The following GAS7 variants were observed in gnomAD, a reference collection of about 807,000 sequenced individuals.
GAS7 encodes the protein growth arrest-specific protein 7.
In GAS7, 28 loss-of-function variants were observed where a neutral mutation model predicts 71.1. That is an observed-to-expected ratio of 0.39 (90% CI 0.29 to 0.54). The LOEUF is 0.54. Ranked by LOEUF, GAS7 falls within the 20% of genes least tolerant of loss-of-function variation. The pLI is 0.62. For synonymous variants in GAS7, 258 were observed against 245.8 expected (o/e 1.05, Z -0.46); for missense variants, 436 against 627.8 (o/e 0.69, Z 3.27).
chr17:10,070,550 G>A (rs1267318656), intron 1 of GAS7, among the ~76,000 whole-genome samples: 7 of 151,836 alleles, frequency 4.6e-5, no homozygotes, highest in East Asian at 3.9e-4. Context: ...TTTTAGTAGA[G>A]ACGGGGTTTC....
chr17:10,153,077 C>T (rs575690827), intron 1 of GAS7, among the ~76,000 whole-genome samples: 2 of 149,306 alleles, frequency 1.3e-5, no homozygotes, highest in East Asian at 2.0e-4. Flanking sequence ...GGCATAGTGG[C>T]GGGCACCTGT....
chr17:10,139,440 G>A (rs1166874087), intron 1 of GAS7, among the ~76,000 whole-genome samples: 2 of 152,140 alleles, frequency 1.3e-5, no homozygotes, highest in South Asian at 2.1e-4. Flanking sequence ...TCTTATCCCA[G>A]GTCCAGGAGC....
chr17:10,165,973 AC>A, intron 1 of GAS7, among the ~76,000 whole-genome samples: 1 of 150,832 alleles, frequency 6.6e-6, no homozygotes, highest in South Asian at 2.1e-4. Flanking sequence ...AGCAAAAGGC[AC>A]CAGGAACCCA....
Position 9,912,294 on chromosome 17 carries a change from C to G in GAS7, c.*4934G>C, listed in dbSNP as rs2067460119. ...AGATGAGAGCCAGACACAGCATGAACACGTGTACAGGGTACATCATTGGAA... is the reference window on the plus strand; with the variant it reads ...AGATGAGAGCCAGACACAGCATGAAGACGTGTACAGGGTACATCATTGGAA... On this transcript the variant is annotated 3_prime_UTR_variant, in exon 14 of 14. Transcript: ENST00000432992. 4.3e-6 allele frequency: 1 copy of G among 232,886 alleles called. No individual in the cohort carries two copies. Among genetic ancestry groups the G allele is most frequent in the African/African-American group, 2.2e-5 (1 of 45,318 alleles). The allele number at this position is 232,886 out of a possible 1,614,324, so 14.4% of individuals were successfully genotyped here.
chr17:10,058,294 CA>C lies in GAS7; in HGVS notation c.184-38398del, dbSNP rs200521171. 8.6e-5 allele frequency among the ~76,000 whole-genome samples: 13 copies of C among 150,918 alleles called. No individual in the cohort carries two copies. In the East Asian group the frequency reaches 1.4e-3, roughly 16 times the overall value. On this transcript the variant is annotated intron_variant, in intron 1 of 13. Coordinates refer to ENST00000432992, the MANE Select transcript of GAS7 (RefSeq NM_201433.2). ...CAAAAACAAAACAAAACAAAGCAAACAAAAAAAAATTAGCCAGGTGTGGTGG... is the reference window on the plus strand; with the variant it reads ...CAAAAACAAAACAAAACAAAGCAAACAAAAAAAATTAGCCAGGTGTGGTGG...
chr17:10,137,975 T>G (rs1300984023), intron 1 of GAS7, among the ~76,000 whole-genome samples: 1 of 151,980 alleles, frequency 6.6e-6, no homozygotes, highest in Non-Finnish European at 1.5e-5. Flanking sequence ...TTTTTTTCTT[T>G]TTTTGAGACG....
At chr17:10,024,585 T>A (rs772387995) in intron 1 of GAS7, among the ~76,000 whole-genome samples, 1 of 151,970 alleles carries the variant, frequency 6.6e-6, no homozygotes, top group Non-Finnish European at 1.5e-5. Flanking sequence ...TAATACAGGG[T>A]GTCTTTGTGG....
At chr17:10,098,224 C>T (rs12451372) in intron 1 of GAS7, among the ~76,000 whole-genome samples, 8,035 of 152,086 alleles carry the variant, frequency 0.053, 703 homozygotes, top group African/African-American at 0.18. Context: ...GAGCCGCGGG[C>T]TACAAGGGGT....
chr17:9,948,773 T>G (rs1458977796), intron 5 of GAS7, among the ~76,000 whole-genome samples: 2 of 152,210 alleles, frequency 1.3e-5, no homozygotes, highest in Non-Finnish European at 2.9e-5. Flanking sequence ...CTCAGCCTTT[T>G]CTGCCCGAGC....
intron 2 of GAS7, among the ~76,000 whole-genome samples, chr17:10,016,429 T>G (rs1166739534): frequency 4.1e-5 from 6 of 146,038 alleles, no homozygotes; most frequent in Non-Finnish European, 9.0e-5. Flanking sequence ...TGAATAAAAC[T>G]GGCATATATC....
intron 1 of GAS7, among the ~76,000 whole-genome samples, chr17:10,167,854 A>G (rs982552150): frequency 1.3e-5 from 2 of 151,970 alleles, no homozygotes; most frequent in Non-Finnish European, 2.9e-5. Flanking sequence ...ATGCACCACC[A>G]TGCCTGGCTG....
rs537478365 is a variant in GAS7 at position 10,134,990 on chromosome 17, G to A, written c.183+63218C>T. On this transcript the variant is annotated intron_variant, in intron 1 of 13. Coordinates refer to ENST00000432992, the MANE Select transcript of GAS7 (RefSeq NM_201433.2). The stretch of plus-strand genomic sequence containing the variant: ...TGGGACTACAGGTGCGTGCCACCAC[G>A]CCCGGGTAATTCTTGTATTTTTAGT... 3.1e-3 allele frequency among the ~76,000 whole-genome samples: 464 copies of A among 151,978 alleles called. 2 individuals carry two copies. Among genetic ancestry groups the A allele is most frequent in the African/African-American group, 0.011 (441 of 41,432 alleles).
chr17:10,071,606 C>T (rs2073340225), intron 1 of GAS7, among the ~76,000 whole-genome samples: 1 of 152,084 alleles, frequency 6.6e-6, no homozygotes, highest in African/African-American at 2.4e-5. Context: ...TTCAAGCATA[C>T]AAAAACCAAG....
At chr17:10,023,733 C>T (rs556980971) in intron 1 of GAS7, among the ~76,000 whole-genome samples, 6 of 152,244 alleles carry the variant, frequency 3.9e-5, no homozygotes, top group African/African-American at 7.2e-5. Context: ...GACACTGTTC[C>T]GGAACTGGAT....
In GAS7 at chr17:9,912,878, AAGG is replaced by A. The variant is rs1420806752; in HGVS notation, c.*4347_*4349del. ...CCCATGCAATGAAATACTTCCCGGC[AAGG>A]AGAAGGAACAAACCACACGCACACA... On this transcript the variant is annotated 3_prime_UTR_variant, in exon 14 of 14. Coordinates refer to ENST00000432992, the MANE Select transcript of GAS7 (RefSeq NM_201433.2). The A allele has an allele frequency of 4.3e-6, 1 of 232,874 alleles. No homozygotes were observed. Among genetic ancestry groups the A allele is most frequent in the Non-Finnish European group, 8.5e-6 (1 of 117,876 alleles). 14.4% of individuals were successfully genotyped at this position (232,874 alleles called of 1,614,324 possible). A position where few individuals can be genotyped will look rare whatever the true frequency, so the allele number is the denominator to read the frequency against.
chr17:10,058,018 A>T (rs950139986), intron 1 of GAS7, among the ~76,000 whole-genome samples: 4 of 152,210 alleles, frequency 2.6e-5, no homozygotes, highest in African/African-American at 9.7e-5. Flanking sequence ...GCAGTGCAAG[A>T]TGTGCTTTGT....
chr17:10,089,487 C>T (rs555237357), intron 1 of GAS7, among the ~76,000 whole-genome samples: 5 of 151,164 alleles, frequency 3.3e-5, no homozygotes, highest in African/African-American at 1.2e-4. Context: ...AAAAGAAATT[C>T]CTCCTACGGG....
intron 1 of GAS7, among the ~76,000 whole-genome samples, chr17:10,030,045 T>C (rs1480018038): frequency 6.6e-6 from 1 of 152,178 alleles, no homozygotes; most frequent in Non-Finnish European, 1.5e-5. Context: ...ACCTGACCAG[T>C]TGGCATCCAT....
Position 10,019,880 on chromosome 17 carries a change from G to A in GAS7, c.201C>T (p.Pro67=). 2 of 1,613,932 alleles carry A rather than the reference G, an allele frequency of 1.2e-6. No homozygotes were observed. The highest frequency in any genetic ancestry group is 2.2e-5 in the East Asian group (1 of 44,866). The change falls in exon 2 of 14, where the codon CCC becomes CCT. Residue 67 remains proline (P), a synonymous_variant. Coordinates refer to ENST00000432992, the MANE Select transcript of GAS7 (RefSeq NM_201433.2). ...VQLLEKPGMV[P]PPPGEESQTV... ...TCTGGCTTTCTTCTCCCGGCGGAGG[G>A]GGGACCATTCCAGGCTTCTGTTGGA...
Sources: gnomAD v4.1 joint callset for allele counts (sites outside exome capture counted in the v4.1 genomes callset) on GRCh38, gnomAD v4.1.1 for gene constraint, MANE v1.5 for transcripts, NCBI Gene and HGNC (gene_info 2026-07-23, HGNC 2026-07-21) for gene names.